The following CARMIL1 variants were observed in gnomAD, a reference collection of about 807,000 sequenced individuals.
CARMIL1 encodes F-actin-uncapping protein LRRC16A.
In CARMIL1, 90 loss-of-function variants were observed where a neutral mutation model predicts 177.1. The ratio of observed to expected loss-of-function variants is 0.51; its 90% CI spans 0.43 to 0.61. The LOEUF is 0.61. CARMIL1 is among the 20% of genes least tolerant of loss of function. The pLI is 0.00. For missense variants in CARMIL1, 1,380 were observed against 1,667.0 expected (o/e 0.83, Z 3.00); for synonymous variants, 577 against 606.2 (o/e 0.95, Z 0.71).
At chr6:25,583,456 T>TTATTATTCATGGTAATATGCTCAGTGC (rs531759856) in intron 31 of CARMIL1, among the ~76,000 whole-genome samples, 2,599 of 152,284 alleles carry the variant, frequency 0.017, 46 homozygotes, top group South Asian at 0.097. Context: ...GGCCTGTGAT[T>TTATTATTCATGGTAATATGCTCAGTGC]TATTATTCAT....
rs570274049 is a variant in CARMIL1, at chr6:25,327,647, A to AT, written c.138+42739dup. ...AGCATATGGGCTTCAACAGCCGGTC[A>AT]TATTTTCTTTTATTACTATATTTAA... On this transcript the variant is annotated intron_variant, in intron 2 of 36. Coordinates refer to ENST00000329474, the MANE Select transcript of CARMIL1 (RefSeq NM_017640.6). Among the ~76,000 whole-genome samples the AT allele has an allele frequency of 6.5e-3, 996 of 152,338 alleles. 5 individuals are homozygous for AT. Among genetic ancestry groups the AT allele is most frequent in the Non-Finnish European group, 9.4e-3 (637 of 68,034 alleles).
At chr6:25,588,449 G>A (rs1813980790) in intron 31 of CARMIL1, among the ~76,000 whole-genome samples, 1 of 152,154 alleles carries the variant, frequency 6.6e-6, no homozygotes, top group Non-Finnish European at 1.5e-5. Context: ...TCAGCTGGAG[G>A]ATGACATAAA....
chr6:25,356,095 G>A (rs1562027897), intron 2 of CARMIL1, among the ~76,000 whole-genome samples: 1 of 150,244 alleles, frequency 6.7e-6, no homozygotes, highest in African/African-American at 2.5e-5. Flanking sequence ...CTGTCGCCCA[G>A]GCCGGACTGC....
intron 3 of CARMIL1, among the ~76,000 whole-genome samples, chr6:25,421,986 A>G (rs1174845104): frequency 2.6e-5 from 4 of 151,860 alleles, no homozygotes; most frequent in African/African-American, 7.3e-5. Context: ...TAACCTGCAC[A>G]TTGTGCACAT....
chr6:25,563,676 C>T, intron 29 of CARMIL1: 1 of 984,904 alleles, frequency 1.0e-6, no homozygotes, highest in Non-Finnish European at 1.2e-6. Context: ...CCATCATATA[C>T]CAGGTATTCT....
intron 8 of CARMIL1, among the ~76,000 whole-genome samples, chr6:25,455,455 A>G (rs187484983): frequency 6.6e-6 from 1 of 152,334 alleles, no homozygotes; most frequent in Non-Finnish European, 1.5e-5. Context: ...GTGATACTCT[A>G]CAGTCAAACC....
At chr6:25,349,013 T>C (rs1328409823) in intron 2 of CARMIL1, among the ~76,000 whole-genome samples, 1 of 152,204 alleles carries the variant, frequency 6.6e-6, no homozygotes, top group Non-Finnish European at 1.5e-5. Context: ...ATGATTATTG[T>C]CTACTTGGTG....
At chr6:25,619,337 G>C in intron 36 of CARMIL1, 110 bp from the exon 37 acceptor site, 1 of 1,055,996 alleles carries the variant, frequency 9.5e-7, no homozygotes, top group Non-Finnish European at 1.3e-6. Flanking sequence ...GTTCACCCTG[G>C]CCCCCTCCCC....
intron 1 of CARMIL1, among the ~76,000 whole-genome samples, chr6:25,284,221 C>T (rs1781360462): frequency 6.6e-6 from 1 of 152,216 alleles, no homozygotes; most frequent in African/African-American, 2.4e-5. Context: ...CCCAACTTCA[C>T]TGTTTGCTGT....
chr6:25,307,396 C>G (rs1783362945), intron 2 of CARMIL1, among the ~76,000 whole-genome samples: 1 of 152,130 alleles, frequency 6.6e-6, no homozygotes. Context: ...TTAGAAATTC[C>G]TTGACCTGAT....
At chr6:25,538,032 T>G in intron 25 of CARMIL1, 49 bp downstream of exon 25, 1 of 1,515,568 alleles carries the variant, frequency 6.6e-7, no homozygotes. Context: ...TAAAAACGTT[T>G]CATAAAATTT....
intron 8 of CARMIL1, among the ~76,000 whole-genome samples, chr6:25,459,269 T>TCTTTCTTTCTTTCTTG (rs56094712): frequency 8.5e-6 from 1 of 118,170 alleles, no homozygotes; most frequent in Non-Finnish European, 1.7e-5. Context: ...TTTCTTTCTT[T>TCTTTCTTTCTTTCTTG]TTTTTTTTTT....
chr6:25,515,844 T>C lies in CARMIL1; in HGVS notation c.1802T>C (p.Leu601Pro). The part of the protein sequence containing the change: ...LAKALQINTK[L>P]RTVIWDKNNI... ...AAAGCACTGCAGATCAACACTAAGC[T>C]CAGGTAGGCAGATCCCACCCTCCCT... Residue 601 changes from leucine (L) to proline (P), a missense_variant, in exon 21 of 37, where the codon CTC becomes CCC. Leu to Pro is a moderately conservative substitution (Grantham distance 98, BLOSUM62 -3). Coordinates refer to ENST00000329474, the MANE Select transcript of CARMIL1 (RefSeq NM_017640.6). This position sits in a 1 kb window ranked among gnomAD's most constrained non-coding sequence, Gnocchi z 5.0. 2 of 1,599,502 alleles carry C rather than the reference T, an allele frequency of 1.3e-6. No homozygotes were observed. The highest frequency in any genetic ancestry group is 1.7e-6 in the Non-Finnish European group (2 of 1,173,258).
At chr6:25,485,789 A>G (rs1440186604) in intron 12 of CARMIL1, among the ~76,000 whole-genome samples, 2 of 152,128 alleles carry the variant, frequency 1.3e-5, no homozygotes, top group Non-Finnish European at 2.9e-5. Context: ...TTGTTTATTT[A>G]TTTATTTTTT....
rs1802185955 is a variant in CARMIL1 at position 25,482,237 on chromosome 6, GCTT to G, written c.875-16_875-14del. On this transcript the variant is annotated splice_polypyrimidine_tract_variant and intron_variant, in intron 11 of 36. Coordinates refer to ENST00000329474, the MANE Select transcript of CARMIL1 (RefSeq NM_017640.6). Reference sequence around the variant, plus strand: ...TTCTGAGAACTTGAAAATTCTAATCGCTTCTTTTTCCTTTCTCAGGTGTGTCCT... The same window carrying G: ...TTCTGAGAACTTGAAAATTCTAATCGCTTTTTCCTTTCTCAGGTGTGTCCT... The G allele has an allele frequency of 3.8e-6, 5 of 1,303,574 alleles. No individual in the cohort carries two copies. Among genetic ancestry groups the G allele is most frequent in the East Asian group, 2.4e-5 (1 of 41,810 alleles). 80.8% of individuals were successfully genotyped at this position (1,303,574 alleles called of 1,614,324 possible).
At chr6:25,602,460 A>G (rs1815513413) in intron 33 of CARMIL1, among the ~76,000 whole-genome samples, 1 of 152,254 alleles carries the variant, frequency 6.6e-6, no homozygotes, top group Non-Finnish European at 1.5e-5. Flanking sequence ...GACATTTACT[A>G]GAGTGTTTTA....
intron 2 of CARMIL1, among the ~76,000 whole-genome samples, chr6:25,386,704 C>CTAAG (rs1195336318): frequency 6.6e-6 from 1 of 152,124 alleles, no homozygotes; most frequent in Non-Finnish European, 1.5e-5. Context: ...TAAGCAAAGA[C>CTAAG]TAAGGTCCAG....
intron 2 of CARMIL1, among the ~76,000 whole-genome samples, chr6:25,396,867 C>T (rs1470090284): frequency 1.3e-5 from 2 of 152,106 alleles, no homozygotes; most frequent in Non-Finnish European, 2.9e-5. Flanking sequence ...AAGGGGCTCA[C>T]CCAACATTAA....
chr6:25,606,078 G>A lies in CARMIL1; in HGVS notation c.3652G>A (p.Gly1218Ser). 6.2e-7 allele frequency: 1 copy of A among 1,613,618 alleles called. No homozygotes were observed. Among genetic ancestry groups the A allele is most frequent in the Non-Finnish European group, 8.5e-7 (1 of 1,179,732 alleles). ...CATCTTAGTGCCTAAACTGCACCCAGGTCTTCCAGAGAACCGCTTTGGTTT... is the reference window on the plus strand; with the variant it reads ...CATCTTAGTGCCTAAACTGCACCCAAGTCTTCCAGAGAACCGCTTTGGTTT... ...GGGAVPKLHP[G>S]LPENRFGLGT... is the part of the protein sequence containing the mutation. The change falls in exon 35 of 37, where the codon GGT becomes AGT. Residue 1218 changes from glycine (G) to serine (S), a missense_variant. Gly to Ser is a moderately conservative substitution (Grantham distance 56). Coordinates refer to ENST00000329474, the MANE Select transcript of CARMIL1 (RefSeq NM_017640.6).
Sources: gnomAD v4.1 joint callset for allele counts (sites outside exome capture counted in the v4.1 genomes callset) on GRCh38, gnomAD v4.1.1 for gene constraint, Gnocchi (gnomAD v3.1) non-coding constraint, MANE v1.5 for transcripts, NCBI Gene and HGNC (gene_info 2026-07-23, HGNC 2026-07-21) for gene names.